SEMA3E: variants seen among roughly 807,000 people sequenced by gnomAD.
The protein encoded by SEMA3E is semaphorin-3E.
Under a neutral mutation model 93.6 loss-of-function variants are expected in SEMA3E, and 49 were observed. That is an observed-to-expected ratio of 0.52 (90% confidence interval 0.42 to 0.66). SEMA3E has a LOEUF of 0.66. Ranked by LOEUF, SEMA3E falls within the 30% of genes least tolerant of loss-of-function variation. The pLI is 0.00. For missense variants in SEMA3E, 906 were observed against 964.8 expected, an observed-to-expected ratio of 0.94 and a Z score of 0.81; for synonymous variants, 363 against 330.7, an observed-to-expected ratio of 1.10 and a Z score of -1.06.
chr7:83,571,943 G>C (rs1173288202), intron 1 of SEMA3E, among the ~76,000 whole-genome samples: 1 of 152,004 alleles, frequency 6.6e-6, no homozygotes, highest in East Asian at 1.9e-4. Context: ...TTCTAGATGA[G>C]AGCCAATCAA....
chr7:83,409,403 C>CA (rs1449287711), intron 5 of SEMA3E, among the ~76,000 whole-genome samples: 1 of 151,988 alleles, frequency 6.6e-6, no homozygotes, highest in African/African-American at 2.4e-5. Context: ...CTGTCTGGAG[C>CA]AAAAATCTCT....
rs537713482 is a variant in SEMA3E, at chr7:83,415,273, C to T, written c.550+3117G>A. Among the ~76,000 whole-genome samples the T allele has an allele frequency of 1.8e-4, 27 of 152,240 alleles. No homozygotes were observed. The East Asian group carries it at 5.2e-3, about 29-fold the overall frequency. ...TTCCTCAGACAGTTACTTAAAACCACTTCAAATACAGTAGGAGTAATCACA... is the reference window on the plus strand; with the variant it reads ...TTCCTCAGACAGTTACTTAAAACCATTTCAAATACAGTAGGAGTAATCACA... On this transcript the variant is annotated intron_variant, in intron 5 of 16. Transcript: ENST00000643230.
At chr7:83,495,193 T>C (rs1387673711) in intron 1 of SEMA3E, among the ~76,000 whole-genome samples, 1 of 151,930 alleles carries the variant, frequency 6.6e-6, no homozygotes, top group Non-Finnish European at 1.5e-5. Flanking sequence ...TGTTCATTCA[T>C]ATATAGATGT....
intron 1 of SEMA3E, among the ~76,000 whole-genome samples, chr7:83,567,924 AGAGAG>A (rs1792197132): frequency 2.0e-5 from 3 of 152,018 alleles, no homozygotes; most frequent in African/African-American, 7.2e-5. Flanking sequence ...TAAACAAAAT[AGAGAG>A]TAAAATATAC....
intron 2 of SEMA3E, among the ~76,000 whole-genome samples, chr7:83,470,141 C>T (rs974279882): frequency 6.6e-6 from 1 of 151,994 alleles, no homozygotes; most frequent in African/African-American, 2.4e-5. Context: ...TTGGTTTCTT[C>T]CTTTATACAT....
Position 83,402,761 on chromosome 7 carries a change from C to A in SEMA3E, c.1014G>T (p.Gly338=). 2 of 1,612,336 alleles carry A rather than the reference C, an allele frequency of 1.2e-6. No homozygotes were observed. Among genetic ancestry groups the A allele is most frequent in the Non-Finnish European group, 1.7e-6 (2 of 1,178,906 alleles). Residue 338 remains glycine (G), a synonymous_variant, in exon 10 of 17, where the codon GGG becomes GGT. Coordinates refer to ENST00000643230, the MANE Select transcript of SEMA3E (RefSeq NM_012431.3). ...ACATGTGATAGACACATATAGCATGCCCTCGAAAAATATTACTGAAAAATA... is the reference window on the plus strand; with the variant it reads ...ACATGTGATAGACACATATAGCATGACCTCGAAAAATATTACTGAAAAATA... The part of the protein sequence containing the change: ...LFNTTSNIFR[G]HAICVYHMSS...
At chr7:83,530,870 C>T (rs997602610) in intron 1 of SEMA3E, among the ~76,000 whole-genome samples, 3 of 113,802 alleles carry the variant, frequency 2.6e-5, no homozygotes, top group Non-Finnish European at 6.5e-5. Context: ...AAAAGTGAAA[C>T]TCCGTCGGGG....
chr7:83,583,410 T>C (rs1792554999), intron 1 of SEMA3E, among the ~76,000 whole-genome samples: 2 of 152,126 alleles, frequency 1.3e-5, no homozygotes, highest in South Asian at 4.1e-4. Flanking sequence ...GGCTTGTCTT[T>C]GAAGGAGGAG....
At chr7:83,434,411 A>G (rs185561938) in intron 4 of SEMA3E, among the ~76,000 whole-genome samples, 12 of 152,330 alleles carry the variant, frequency 7.9e-5, no homozygotes, top group Admixed American at 1.3e-4. Flanking sequence ...ATGCATTAAT[A>G]AGCAGTATGC....
At chr7:83,475,851 T>C (rs565702187) in intron 2 of SEMA3E, among the ~76,000 whole-genome samples, 1 of 152,302 alleles carries the variant, frequency 6.6e-6, no homozygotes, top group African/African-American at 2.4e-5. Flanking sequence ...ACATGCATTG[T>C]TCCTAGCAGC....
chr7:83,412,761 T>TAAAAAAAAAAAAA (rs35717519), intron 5 of SEMA3E, among the ~76,000 whole-genome samples: 7 of 143,600 alleles, frequency 4.9e-5, no homozygotes, highest in African/African-American at 1.9e-4. Context: ...TAAAAAAAGA[T>TAAAAAAAAAAAAA]AAAAAAAAAA....
At chr7:83,382,221 A>C (rs1787789577) in intron 16 of SEMA3E, among the ~76,000 whole-genome samples, 1 of 152,026 alleles carries the variant, frequency 6.6e-6, no homozygotes, top group South Asian at 2.1e-4. Flanking sequence ...ACTGGCTGCA[A>C]GTAACCAGGG....
chr7:83,507,666 G>A (rs1007330224), intron 1 of SEMA3E, among the ~76,000 whole-genome samples: 5 of 151,970 alleles, frequency 3.3e-5, no homozygotes, highest in South Asian at 4.2e-4. Flanking sequence ...GCCAGGTCGC[G>A]GTGGCTCACA....
At chr7:83,387,157 AT>A (rs1266776663) in intron 14 of SEMA3E, 107 bp from the exon 15 acceptor site, 20 of 876,310 alleles carry the variant, frequency 2.3e-5, no homozygotes, top group Admixed American at 1.3e-4. Context: ...ACTGAAAAAA[AT>A]GATCATTCAT....
intron 1 of SEMA3E, among the ~76,000 whole-genome samples, chr7:83,519,035 T>C (rs566193397): frequency 7.2e-5 from 11 of 152,190 alleles, no homozygotes; most frequent in East Asian, 1.9e-4. Flanking sequence ...GTTAGTTACA[T>C]ATGTATACAT....
At chr7:83,557,352 ATAAG>A (rs539343771) in intron 1 of SEMA3E, among the ~76,000 whole-genome samples, 217 of 151,680 alleles carry the variant, frequency 1.4e-3, no homozygotes, top group Non-Finnish European at 2.5e-3. Context: ...CTTATTAAAA[ATAAG>A]TATCAACATA....
intron 1 of SEMA3E, among the ~76,000 whole-genome samples, chr7:83,499,452 A>G (rs1275849455): frequency 6.6e-6 from 1 of 152,168 alleles, no homozygotes; most frequent in African/African-American, 2.4e-5. Context: ...TCTTATTATA[A>G]GGTGAGGTTA....
intron 4 of SEMA3E, among the ~76,000 whole-genome samples, chr7:83,451,923 A>G (rs984122602): frequency 6.6e-6 from 1 of 152,208 alleles, no homozygotes; most frequent in East Asian, 1.9e-4. Context: ...CTGGGTCACA[A>G]TTATGAGAAG....
chr7:83,543,611 C>G (rs964124311), intron 1 of SEMA3E, among the ~76,000 whole-genome samples: 63 of 152,078 alleles, frequency 4.1e-4, no homozygotes, highest in African/African-American at 1.5e-3. Flanking sequence ...TGTTGATTCC[C>G]TACAAGCTAA....
Sources: allele counts gnomAD v4.1 joint callset (sites outside exome capture counted in the v4.1 genomes callset), GRCh38; gene constraint gnomAD v4.1.1; transcripts MANE v1.5; gene names NCBI Gene and HGNC (gene_info 2026-07-23, HGNC 2026-07-21).